Variants in NLGN1 observed in about 807,000 individuals in gnomAD.
NLGN1 encodes neuroligin-1.
Under a neutral mutation model 65.5 loss-of-function variants are expected in NLGN1, and 12 were observed. The observed-to-expected ratio is 0.18, with a 90% CI of 0.12 to 0.30. The LOEUF is 0.30. Ranked by LOEUF, NLGN1 falls within the 10% of genes least tolerant of loss-of-function variation. NLGN1 has a pLI of 1.00. For synonymous variants in NLGN1, 350 were observed against 359.5 expected, an observed-to-expected ratio of 0.97 and a Z score of 0.30; for missense variants, 750 against 1,007.1, an observed-to-expected ratio of 0.74 and a Z score of 3.46.
chr3:173,717,080 C>G (rs1489865093), intron 3 of NLGN1, among the ~76,000 whole-genome samples: 2 of 152,114 alleles, frequency 1.3e-5, no homozygotes, highest in Non-Finnish European at 2.9e-5. Flanking sequence ...TAAGCCCATC[C>G]TTGCACTGCA....
At chr3:173,554,395 C>A (rs1057193235) in intron 2 of NLGN1, among the ~76,000 whole-genome samples, 3 of 152,014 alleles carry the variant, frequency 2.0e-5, no homozygotes, top group Non-Finnish European at 2.9e-5. Flanking sequence ...TGAAAAATAC[C>A]CACTGTAGAG....
At chr3:173,741,609 C>T (rs1242930329) in intron 3 of NLGN1, among the ~76,000 whole-genome samples, 1 of 152,132 alleles carries the variant, frequency 6.6e-6, no homozygotes, top group Admixed American at 6.5e-5. Flanking sequence ...TCTCCTGCCT[C>T]AGCCTTCCAA....
intron 3 of NLGN1, among the ~76,000 whole-genome samples, chr3:173,736,764 AAT>A (rs1773838643): frequency 6.6e-6 from 1 of 152,094 alleles, no homozygotes; most frequent in East Asian, 1.9e-4. Flanking sequence ...ATTCACTTAC[AAT>A]ATGATTATGA....
chr3:173,669,804 T>C (rs1762221000), intron 3 of NLGN1, among the ~76,000 whole-genome samples: 1 of 152,210 alleles, frequency 6.6e-6, no homozygotes, highest in Non-Finnish European at 1.5e-5. Flanking sequence ...TGACCATTGG[T>C]GCCAATCAAA....
chr3:173,872,037 G>A (rs1021303), intron 4 of NLGN1, among the ~76,000 whole-genome samples: 130,810 of 152,016 alleles, frequency 0.86, 56,931 homozygotes, highest in African/African-American at 0.91. Flanking sequence ...CACCGTGAGG[G>A]GGGGAGTCAG....
intron 3 of NLGN1, among the ~76,000 whole-genome samples, chr3:173,650,062 C>T (rs1758900344): frequency 6.6e-6 from 1 of 151,924 alleles, no homozygotes; most frequent in South Asian, 2.1e-4. Flanking sequence ...TGTATGCATA[C>T]TTATTTCTTA....
chr3:173,591,963 C>T (rs1748568914), intron 2 of NLGN1, among the ~76,000 whole-genome samples: 1 of 152,210 alleles, frequency 6.6e-6, no homozygotes, highest in African/African-American at 2.4e-5. Flanking sequence ...GCTGTCTCTT[C>T]TGAGCTCTTG....
intron 3 of NLGN1, among the ~76,000 whole-genome samples, chr3:173,618,311 C>A (rs968580048): frequency 1.3e-5 from 2 of 152,074 alleles, no homozygotes; most frequent in African/African-American, 4.8e-5. Context: ...ATCCTCCTGC[C>A]TCAGCATCTT....
intron 2 of NLGN1, among the ~76,000 whole-genome samples, chr3:173,436,134 C>T (rs557286359): frequency 6.6e-6 from 1 of 152,310 alleles, no homozygotes; most frequent in South Asian, 2.1e-4. Flanking sequence ...GAACCCAGCA[C>T]TTGTTGAGAA....
At chr3:174,085,048 T>C (rs1742979021) in intron 4 of NLGN1, among the ~76,000 whole-genome samples, 1 of 152,006 alleles carries the variant, frequency 6.6e-6, no homozygotes, top group East Asian at 1.9e-4. Context: ...AAATATATTT[T>C]GGTTGTGAAA....
chr3:173,798,048 A>G (rs1202065902), intron 3 of NLGN1, among the ~76,000 whole-genome samples: 1 of 152,142 alleles, frequency 6.6e-6, no homozygotes, highest in Admixed American at 6.6e-5. Flanking sequence ...GACTAATTCA[A>G]GAGAGAGCTC....
At chr3:174,161,067 C>T (rs1162771057) in intron 4 of NLGN1, among the ~76,000 whole-genome samples, 1 of 151,812 alleles carries the variant, frequency 6.6e-6, no homozygotes, top group Admixed American at 6.6e-5. Flanking sequence ...TTTCTGTTTT[C>T]ATAGAGAAAA....
chr3:174,040,109 GTC>G (rs1174955707), intron 4 of NLGN1, among the ~76,000 whole-genome samples: 1 of 152,114 alleles, frequency 6.6e-6, no homozygotes, highest in African/African-American at 2.4e-5. Context: ...ATTGATGGTA[GTC>G]TCTAATTTGA....
At chr3:174,213,062 C>G (rs572681660) in intron 4 of NLGN1, among the ~76,000 whole-genome samples, 7 of 152,358 alleles carry the variant, frequency 4.6e-5, no homozygotes, top group African/African-American at 1.7e-4. Context: ...CTATAAGCAA[C>G]TTTAACTCTC....
At chr3:173,623,426 T>C (rs1754332953) in intron 3 of NLGN1, among the ~76,000 whole-genome samples, 1 of 151,736 alleles carries the variant, frequency 6.6e-6, no homozygotes, top group Non-Finnish European at 1.5e-5. Context: ...GTGTTTTGGA[T>C]GAGGTTAAAG....
chr3:174,216,665 T>C (rs1044398757), intron 4 of NLGN1, among the ~76,000 whole-genome samples: 12 of 152,090 alleles, frequency 7.9e-5, no homozygotes, highest in African/African-American at 2.7e-4. Context: ...TTTGCCATGT[T>C]CCTTCCTGTC....
At chr3:173,924,622 C>CAAAAAA (rs538515565) in intron 4 of NLGN1, among the ~76,000 whole-genome samples, 2 of 128,656 alleles carry the variant, frequency 1.6e-5, no homozygotes, top group African/African-American at 5.8e-5. Flanking sequence ...AACCCTGTCT[C>CAAAAAA]AAAAAAAAAA....
intron 1 of NLGN1, among the ~76,000 whole-genome samples, chr3:173,425,817 T>A (rs1397345711): frequency 6.6e-6 from 1 of 152,142 alleles, no homozygotes; most frequent in Non-Finnish European, 1.5e-5. Flanking sequence ...CTATTTGGGG[T>A]TCTTTGTAGT....
At chr3:173,952,276 T>C (rs1359191682) in intron 4 of NLGN1, among the ~76,000 whole-genome samples, 1 of 152,130 alleles carries the variant, frequency 6.6e-6, no homozygotes, top group East Asian at 1.9e-4. Flanking sequence ...ATCCCAGACT[T>C]CAGTCTCTCC....
Sources: gnomAD v4.1 joint callset for allele counts (sites outside exome capture counted in the v4.1 genomes callset) on GRCh38, gnomAD v4.1.1 for gene constraint, MANE v1.5 for transcripts, NCBI Gene and HGNC (gene_info 2026-07-23, HGNC 2026-07-21) for gene names.